ATXN1: variants seen among roughly 807,000 people sequenced by gnomAD.
ATXN1 encodes the protein ataxin-1.
A neutral mutation model predicts 56.4 loss-of-function variants in ATXN1; 8 were observed. That is an observed-to-expected ratio of 0.14 (90% CI 0.08 to 0.26). The LOEUF (loss-of-function observed/expected upper bound fraction) is 0.26. Ranked by LOEUF, ATXN1 falls within the 10% of genes least tolerant of loss-of-function variation. The pLI is 1.00. For synonymous variants in ATXN1, 514 were observed against 494.6 expected, an observed-to-expected ratio of 1.04 and a Z score of -0.52; for missense variants, 987 against 1,106.5, an observed-to-expected ratio of 0.89 and a Z score of 1.53.
Position 16,760,412 on chromosome 6 carries a change from C to T in ATXN1, c.-730+886G>A, listed in dbSNP as rs1428760686. Among the ~76,000 whole-genome samples, 1 of 151,388 alleles carries T rather than the reference C, an allele frequency of 6.6e-6. No individual in the cohort carries two copies. The highest frequency in any genetic ancestry group is 2.0e-4 in the East Asian group (1 of 5,126). On this transcript the variant is annotated intron_variant, in intron 1 of 7. Coordinates refer to ENST00000436367, the MANE Select transcript of ATXN1 (RefSeq NM_001128164.2). This position sits in a 1 kb window ranked among gnomAD's most constrained non-coding sequence, Gnocchi z 5.3. ...TGGGGCGCTCGCGGGCTCCCGGCTCCGGGCGGCGGCTGCCGCTGCACATGA... is the reference window on the plus strand; with the variant it reads ...TGGGGCGCTCGCGGGCTCCCGGCTCTGGGCGGCGGCTGCCGCTGCACATGA...
intron 4 of ATXN1, among the ~76,000 whole-genome samples, chr6:16,582,384 G>A (rs1762545832): frequency 6.6e-6 from 1 of 152,112 alleles, no homozygotes; most frequent in African/African-American, 2.4e-5. Context: ...GGACATAGCT[G>A]CCCCTAAAAA....
chr6:16,655,983 G>A lies in ATXN1; in HGVS notation c.-489+1793C>T, dbSNP rs532516431. 1.6e-4 allele frequency among the ~76,000 whole-genome samples: 25 copies of A among 151,874 alleles called. No individual in the cohort carries two copies. The South Asian group carries it at 3.5e-3, about 22-fold the overall frequency. ...CACGCATCTGTAGTCCCAGCTACTCGGGAGGTTGAGGCAGGAGAATCGCTT... is the reference window on the plus strand; with the variant it reads ...CACGCATCTGTAGTCCCAGCTACTCAGGAGGTTGAGGCAGGAGAATCGCTT... On this transcript the variant is annotated intron_variant, in intron 3 of 7. Transcript: ENST00000436367.
intron 6 of ATXN1, among the ~76,000 whole-genome samples, chr6:16,466,929 T>G (rs1420840953): frequency 6.6e-6 from 1 of 152,244 alleles, no homozygotes; most frequent in Non-Finnish European, 1.5e-5. Context: ...TCCAATAACG[T>G]CTTCCTCGCT....
At chr6:16,557,121 C>T (rs1581842609) in intron 4 of ATXN1, among the ~76,000 whole-genome samples, 3 of 151,934 alleles carry the variant, frequency 2.0e-5, no homozygotes, top group Middle Eastern at 3.4e-3. Context: ...GTCAGGAGTT[C>T]GAGACCAGCC....
intron 2 of ATXN1, among the ~76,000 whole-genome samples, chr6:16,688,531 A>T (rs1758967876): frequency 6.6e-6 from 1 of 152,220 alleles, no homozygotes; most frequent in Non-Finnish European, 1.5e-5. Flanking sequence ...AACCAAATTC[A>T]GTAATGATGA....
chr6:16,578,724 C>G (rs1175403553), intron 4 of ATXN1, among the ~76,000 whole-genome samples: 1 of 149,294 alleles, frequency 6.7e-6, no homozygotes, highest in East Asian at 1.9e-4. Flanking sequence ...AGCCTGATAA[C>G]TAGAGTAGCA....
chr6:16,702,990 A>C (rs112053959), intron 2 of ATXN1, among the ~76,000 whole-genome samples: 108,299 of 151,556 alleles, frequency 0.71, 39,133 homozygotes, highest in African/African-American at 0.83. Context: ...GGTATATACC[A>C]AAAGGAGTAT....
At chr6:16,456,476 G>GCCTGGAACCAGCTTCTGCTTTT (rs1759876552) in intron 6 of ATXN1, among the ~76,000 whole-genome samples, 3 of 152,146 alleles carry the variant, frequency 2.0e-5, no homozygotes, top group Admixed American at 6.5e-5. Context: ...GCATTGGTTT[G>GCCTGGAACCAGCTTCTGCTTTT]CCTGGAACCA....
At chr6:16,459,701 A>G (rs1759951930) in intron 6 of ATXN1, among the ~76,000 whole-genome samples, 1 of 152,138 alleles carries the variant, frequency 6.6e-6, no homozygotes. Context: ...CCCAACTTAC[A>G]TGGACGGTCT....
At chr6:16,343,362 A>G (rs9367911) in intron 6 of ATXN1, among the ~76,000 whole-genome samples, 47,283 of 151,932 alleles carry the variant, frequency 0.31, 11,366 homozygotes, top group East Asian at 0.8. Flanking sequence ...AAATAAATAA[A>G]TATGTCATGA....
chr6:16,345,833 C>A (rs1761371332), intron 6 of ATXN1, among the ~76,000 whole-genome samples: 1 of 152,182 alleles, frequency 6.6e-6, no homozygotes, highest in Non-Finnish European at 1.5e-5. Flanking sequence ...CGGCCCAGCA[C>A]AAAGCCAATG....
intron 6 of ATXN1, among the ~76,000 whole-genome samples, chr6:16,336,253 C>T (rs1429798165): frequency 1.3e-5 from 2 of 152,192 alleles, no homozygotes; most frequent in Non-Finnish European, 2.9e-5. Context: ...ATGCGGGTTA[C>T]ACTCACCTCC....
chr6:16,300,069 T>G lies in ATXN1; in HGVS notation c.*6260A>C, dbSNP rs1429523042. The G allele has an allele frequency of 6.6e-6, 1 of 152,590 alleles. No individual in the cohort carries two copies. The highest frequency in any genetic ancestry group is 1.5e-5 in the Non-Finnish European group (1 of 68,040). The allele number at this position is 152,590 out of a possible 1,614,324, so 9.5% of individuals were successfully genotyped here. ...GGACAGTATGTTATCTTGGTAAGGA[T>G]TACTGTAAACAACACTTCCAACGAA... On this transcript the variant is annotated 3_prime_UTR_variant, in exon 8 of 8. Coordinates refer to ENST00000436367, the MANE Select transcript of ATXN1 (RefSeq NM_001128164.2).
intron 2 of ATXN1, among the ~76,000 whole-genome samples, chr6:16,749,334 A>G (rs910008501): frequency 6.6e-6 from 1 of 152,248 alleles, no homozygotes; most frequent in Admixed American, 6.5e-5. Flanking sequence ...AATTGTTGTT[A>G]AAACGTACAG....
At chr6:16,572,291 G>T (rs980662157) in intron 4 of ATXN1, among the ~76,000 whole-genome samples, 1 of 152,152 alleles carries the variant, frequency 6.6e-6, no homozygotes, top group Non-Finnish European at 1.5e-5. Context: ...ACCAAAAAAG[G>T]TATAAGGACT....
intron 1 of ATXN1, among the ~76,000 whole-genome samples, chr6:16,758,591 G>A (rs1408397727): frequency 6.6e-6 from 1 of 152,212 alleles, no homozygotes; most frequent in Non-Finnish European, 1.5e-5. Context: ...TCTGGCTTGG[G>A]CAGCATAAAT....
chr6:16,495,795 G>T (rs761936288), intron 5 of ATXN1, among the ~76,000 whole-genome samples: 1 of 151,758 alleles, frequency 6.6e-6, no homozygotes, highest in Non-Finnish European at 1.5e-5. Flanking sequence ...CCCAGGAAGC[G>T]GAGGTTGCAG....
intron 3 of ATXN1, among the ~76,000 whole-genome samples, chr6:16,645,355 G>T (rs907462707): frequency 1.3e-5 from 2 of 152,206 alleles, no homozygotes; most frequent in Non-Finnish European, 2.9e-5. Flanking sequence ...AAGAATTCTG[G>T]TCCTGAGGAC....
intron 6 of ATXN1, among the ~76,000 whole-genome samples, chr6:16,440,766 G>A (rs1759501679): frequency 6.6e-6 from 1 of 152,034 alleles, no homozygotes; most frequent in South Asian, 2.1e-4. Flanking sequence ...CTCCCTGCCA[G>A]TAACAATAGC....
Sources: gnomAD v4.1 joint callset for allele counts (sites outside exome capture counted in the v4.1 genomes callset) on GRCh38, gnomAD v4.1.1 for gene constraint, Gnocchi (gnomAD v3.1) non-coding constraint, MANE v1.5 for transcripts, NCBI Gene and HGNC (gene_info 2026-07-23, HGNC 2026-07-21) for gene names.